Variants in PREX1 observed in about 807,000 individuals in gnomAD.
The protein encoded by PREX1 is phosphatidylinositol 3,4,5-trisphosphate-dependent Rac exchanger 1 protein.
A neutral mutation model predicts 198.3 loss-of-function variants in PREX1; 41 were observed. The ratio of observed to expected loss-of-function variants is 0.21; its 90% confidence interval spans 0.16 to 0.27. PREX1 has a LOEUF of 0.27. Ranked by LOEUF, PREX1 falls within the 10% of genes least tolerant of loss-of-function variation. The pLI, the probability that PREX1 is intolerant of heterozygous loss-of-function variation, is 1.00. For synonymous variants in PREX1, 843 were observed against 887.2 expected (o/e 0.95, Z 0.89); for missense variants, 1,620 against 2,200.7 (o/e 0.74, Z 5.28).
chr20:48,661,168 C>T (rs767057015), intron 15 of PREX1, among the ~76,000 whole-genome samples: 1 of 151,956 alleles, frequency 6.6e-6, no homozygotes, highest in East Asian at 1.9e-4. Flanking sequence ...CCTGTAATCC[C>T]AGCACTTTGA....
chr20:48,745,538 G>A (rs947154054), intron 2 of PREX1, among the ~76,000 whole-genome samples: 4 of 152,170 alleles, frequency 2.6e-5, no homozygotes, highest in Non-Finnish European at 4.4e-5. Context: ...ATCACAGTCA[G>A]ACACAACTGC....
intron 1 of PREX1, among the ~76,000 whole-genome samples, chr20:48,819,828 G>A (rs1324122797): frequency 2.6e-5 from 4 of 152,216 alleles, no homozygotes; most frequent in Non-Finnish European, 5.9e-5. Flanking sequence ...GCACACAGTG[G>A]GTGCTGAATG....
At chr20:48,649,194 C>A (rs1416677476) in intron 25 of PREX1, 106 bp downstream of exon 25, 24 of 1,465,682 alleles carry the variant, frequency 1.6e-5, no homozygotes, top group Middle Eastern at 2.5e-4. Flanking sequence ...ATGTCCAGGA[C>A]AGCCCACCCC....
chr20:48,763,264 A>G (rs1601120805), intron 1 of PREX1, among the ~76,000 whole-genome samples: 1 of 152,370 alleles, frequency 6.6e-6, no homozygotes, highest in East Asian at 1.9e-4. Flanking sequence ...TATCGTCAGC[A>G]CCAGCCCTCG....
At chr20:48,688,415 T>C (rs1416348496) in intron 10 of PREX1, among the ~76,000 whole-genome samples, 3 of 152,088 alleles carry the variant, frequency 2.0e-5, no homozygotes, top group Admixed American at 2.0e-4. Context: ...ATATATTACA[T>C]GAATGGGTGT....
rs552789458 is a variant in PREX1, at chr20:48,754,073, A to G, written c.220-6193T>C. On this transcript the variant is annotated intron_variant, in intron 1 of 39. Coordinates refer to ENST00000371941, the MANE Select transcript of PREX1 (RefSeq NM_020820.4). The stretch of plus-strand genomic sequence containing the variant: ...GCTCAAGAGAGACTGGTATGTGGAG[A>G]AAGGATGGGAGAGACAGGGAGAAAC... 4.3e-4 allele frequency among the ~76,000 whole-genome samples: 65 copies of G among 152,294 alleles called. 1 individual carries two copies. The highest frequency in any genetic ancestry group is 1.5e-3 in the African/African-American group (64 of 41,554).
At chr20:48,744,351 T>C (rs2090097974) in intron 3 of PREX1, among the ~76,000 whole-genome samples, 1 of 152,100 alleles carries the variant, frequency 6.6e-6, no homozygotes, top group Non-Finnish European at 1.5e-5. Flanking sequence ...TGTCCCTACT[T>C]TGCAATTACA....
chr20:48,753,824 C>G (rs2090144923), intron 1 of PREX1, among the ~76,000 whole-genome samples: 1 of 152,180 alleles, frequency 6.6e-6, no homozygotes, highest in Admixed American at 6.5e-5. Context: ...ACAGGCCACC[C>G]CTGGACCCAT....
At chr20:48,654,514 C>A (rs1020261692) in intron 19 of PREX1, among the ~76,000 whole-genome samples, 1 of 152,222 alleles carries the variant, frequency 6.6e-6, no homozygotes, top group Non-Finnish European at 1.5e-5. Flanking sequence ...CACCCCCTCC[C>A]CAGTTACGAC....
intron 1 of PREX1, among the ~76,000 whole-genome samples, chr20:48,764,886 T>C (rs1269548868): frequency 1.3e-5 from 2 of 150,428 alleles, no homozygotes; most frequent in Admixed American, 1.3e-4. Flanking sequence ...GGCTGGGAGA[T>C]GGACGAGGCC....
intron 1 of PREX1, among the ~76,000 whole-genome samples, chr20:48,749,767 C>A (rs934705897): frequency 6.6e-6 from 1 of 152,154 alleles, no homozygotes; most frequent in African/African-American, 2.4e-5. Context: ...GGGGCTTTAA[C>A]CCATTTATGC....
Position 48,641,294 on chromosome 20 carries a change from C to A in PREX1, c.3775+874G>T, listed in dbSNP as rs111628629. Reference sequence around the variant, plus strand: ...CTTGGCAGGCAACAGTGCCTAACTGCGGTATAATGATATTTCGTTGCCGTT... The same window carrying A: ...CTTGGCAGGCAACAGTGCCTAACTGAGGTATAATGATATTTCGTTGCCGTT... On this transcript the variant is annotated intron_variant, in intron 29 of 39. Coordinates refer to ENST00000371941, the MANE Select transcript of PREX1 (RefSeq NM_020820.4). 2.6e-5 allele frequency among the ~76,000 whole-genome samples: 4 copies of A among 152,280 alleles called. 1 individual carries two copies. The East Asian group carries it at 7.7e-4, about 29-fold the overall frequency.
rs796461866 is a variant in PREX1 at position 48,730,422 on chromosome 20, C to T, written c.520-4031G>A. On this transcript the variant is annotated intron_variant, in intron 4 of 39. Transcript: ENST00000371941. ...TGCTGCGCAAAAGCCACCACACACA[C>T]ACACACACACACACACACACACACA... is the stretch of plus-strand genomic sequence containing the variant. Among the ~76,000 whole-genome samples the T allele has an allele frequency of 2.2e-3, 337 of 149,782 alleles. 3 individuals carry two copies. The East Asian group carries it at 0.046, about 20-fold the overall frequency.
At position 48,629,539 on chromosome 20, in the gene PREX1, C is replaced by G. The variant is rs3936192; in HGVS notation, c.4676G>C (p.Ser1559Thr). 0.094 allele frequency: 152,261 copies of G among 1,614,048 alleles called. 8,054 individuals carry two copies. Among genetic ancestry groups the G allele is most frequent in the East Asian group, 0.17 (7,704 of 44,872 alleles). The change falls in exon 37 of 40, where the codon AGT becomes ACT. Residue 1559 changes from serine (S) to threonine (T), a missense_variant. Transcript: ENST00000371941. ...FVHPKPGAAGSVGAGLIPISS... is the reference protein window; with the variant it reads ...FVHPKPGAAGTVGAGLIPISS... Reference sequence around the variant, plus strand: ...GATGGGGATGAGGCCGGCGCCCACACTCCCAGCAGCACCAGGCTTTGGGTG... The same window carrying G: ...GATGGGGATGAGGCCGGCGCCCACAGTCCCAGCAGCACCAGGCTTTGGGTG...
At chr20:48,834,522 G>A in the PREX1 span, among the ~76,000 whole-genome samples, 3,465 of 151,882 alleles carry the variant, frequency 0.023, 51 homozygotes, top group Middle Eastern at 0.031. Context: ...CATTTAAGCC[G>A]CAGCCTGCCT....
chr20:48,859,593 G>A, the PREX1 span, among the ~76,000 whole-genome samples: 3 of 152,214 alleles, frequency 2.0e-5, no homozygotes, highest in Non-Finnish European at 4.4e-5. Context: ...GAACCTGTAT[G>A]CATTACTGGT....
At chr20:48,778,186 A>C (rs551850462) in intron 1 of PREX1, among the ~76,000 whole-genome samples, 1 of 152,358 alleles carries the variant, frequency 6.6e-6, no homozygotes, top group Admixed American at 6.5e-5. Flanking sequence ...TGTGCTACTT[A>C]ATTCTAATAT....
At chr20:48,657,461 G>A (rs1461792947) in intron 17 of PREX1, among the ~76,000 whole-genome samples, 2 of 152,240 alleles carry the variant, frequency 1.3e-5, no homozygotes, top group Non-Finnish European at 2.9e-5. Flanking sequence ...GTTGTGTGGG[G>A]ACACGAGGGT....
At chr20:48,773,266 C>CA (rs55740822) in intron 1 of PREX1, among the ~76,000 whole-genome samples, 5,333 of 63,060 alleles carry the variant, frequency 0.085, 156 homozygotes, top group African/African-American at 0.12. Flanking sequence ...GACTTGGTCT[C>CA]AAAAAAAAAA....
Sources: gnomAD v4.1 joint callset for allele counts (sites outside exome capture counted in the v4.1 genomes callset) on GRCh38, gnomAD v4.1.1 for gene constraint, MANE v1.5 for transcripts, NCBI Gene and HGNC (gene_info 2026-07-23, HGNC 2026-07-21) for gene names.